Variants in ACSL1 observed in about 807,000 individuals in gnomAD.
ACSL1 encodes long-chain-fatty-acid--CoA ligase 1.
A neutral mutation model predicts 98.4 loss-of-function variants in ACSL1; 41 were observed. That is an observed-to-expected ratio of 0.42 (90% confidence interval 0.32 to 0.54). The LOEUF is 0.54. ACSL1 is among the 20% of genes least tolerant of loss of function. The pLI is 0.13. For missense variants in ACSL1, 734 were observed against 883.1 expected (o/e 0.83, Z 2.14); for synonymous variants, 316 against 322.7 (o/e 0.98, Z 0.22).
chr4:184,798,188 A>C (rs1769790913), intron 2 of ACSL1: 1 of 152,236 alleles, frequency 6.6e-6, no homozygotes, highest in East Asian at 1.9e-4. Context: ...CAATCTAAAC[A>C]GTGAATCTGT....
rs1426403117 is a variant in ACSL1 at position 184,825,725 on chromosome 4, C to T, written c.-33+191G>A. Among the ~76,000 whole-genome samples, 8 of 149,818 alleles carry T rather than the reference C, an allele frequency of 5.3e-5. No individual in the cohort carries two copies. Among genetic ancestry groups the T allele is most frequent in the Non-Finnish European group, 1.0e-4 (7 of 67,048 alleles). On this transcript the variant is annotated intron_variant, in intron 1 of 20. Coordinates refer to ENST00000281455, the MANE Select transcript of ACSL1 (RefSeq NM_001995.5). This position sits in a 1 kb window ranked among gnomAD's most constrained non-coding sequence, Gnocchi z 4.7. ...GGGCACCCCGGAGGCCTCCGGCTGC[C>T]GAGGGAAGCGGGGCCGCGGGCAGGA...
At chr4:184,814,938 G>A (rs944695997) in intron 1 of ACSL1, 7 of 445,962 alleles carry the variant, frequency 1.6e-5, no homozygotes, top group Admixed American at 1.5e-4. Context: ...AACATTCCAG[G>A]GGGATAACCA....
Position 184,766,793 on chromosome 4 carries a change from C to T in ACSL1, c.1129-37G>A, listed in dbSNP as rs1763676500. The T allele has an allele frequency of 1.3e-6, 2 of 1,592,294 alleles. No individual in the cohort carries two copies. The highest frequency in any genetic ancestry group is 2.7e-5 in the African/African-American group (2 of 74,432). On this transcript the variant is annotated intron_variant, in intron 12 of 20. Transcript: ENST00000281455. This position sits in a 1 kb window ranked among gnomAD's most constrained non-coding sequence, Gnocchi z 4.8. ...AGACATGAGAAAGTTTTCACACCTACTAGGATGGCCAGAGTCAAAGAGTGT... is the reference window on the plus strand; with the variant it reads ...AGACATGAGAAAGTTTTCACACCTATTAGGATGGCCAGAGTCAAAGAGTGT...
chr4:184,788,590 G>T, intron 3 of ACSL1, 27 bp downstream of exon 3: 1 of 1,556,700 alleles, frequency 6.4e-7, no homozygotes, highest in Non-Finnish European at 8.9e-7. Flanking sequence ...GCGAGCGGGA[G>T]CCACGCAAAT....
chr4:184,814,269 C>A (rs1474430791), intron 1 of ACSL1, among the ~76,000 whole-genome samples: 2 of 121,970 alleles, frequency 1.6e-5, no homozygotes. Context: ...CCAGCCTGGG[C>A]GACAGAGCGA....
chr4:184,788,509 C>A (rs760300854), intron 3 of ACSL1, 108 bp downstream of exon 3: 1 of 866,990 alleles, frequency 1.2e-6, no homozygotes. Context: ...GGGGCCTGAG[C>A]GATCCTAAGG....
chr4:184,770,095 A>G (rs540797232), intron 11 of ACSL1, among the ~76,000 whole-genome samples: 1 of 152,356 alleles, frequency 6.6e-6, no homozygotes, highest in African/African-American at 2.4e-5. Flanking sequence ...GTATCCTTCA[A>G]AAGTCTGAAC....
intron 15 of ACSL1, among the ~76,000 whole-genome samples, chr4:184,764,148 C>T (rs1306084587): frequency 6.6e-6 from 1 of 152,246 alleles, no homozygotes; most frequent in Non-Finnish European, 1.5e-5. Context: ...AGAGGAAGCA[C>T]AGAAGCTCTG....
intron 1 of ACSL1, among the ~76,000 whole-genome samples, chr4:184,818,430 G>A (rs1772802885): frequency 1.3e-5 from 2 of 152,192 alleles, no homozygotes; most frequent in South Asian, 2.1e-4. Context: ...ACTTCACTCA[G>A]TGAAAGCACA....
chr4:184,796,194 C>T (rs979764065), intron 2 of ACSL1, among the ~76,000 whole-genome samples: 10 of 152,192 alleles, frequency 6.6e-5, no homozygotes, highest in African/African-American at 1.4e-4. Flanking sequence ...ATCTTTCTCC[C>T]GTGCTGGATG....
Position 184,825,717 on chromosome 4 carries a change from C to T in ACSL1, c.-33+199G>A, listed in dbSNP as rs2150513206. ...GGCAGCACGGGCACCCCGGAGGCCTCCGGCTGCCGAGGGAAGCGGGGCCGC... is the reference window on the plus strand; with the variant it reads ...GGCAGCACGGGCACCCCGGAGGCCTTCGGCTGCCGAGGGAAGCGGGGCCGC... On this transcript the variant is annotated intron_variant, in intron 1 of 20. Transcript: ENST00000281455. The surrounding 1 kb of genome is among the most constrained non-coding windows in gnomAD (Gnocchi z 4.7). Among the ~76,000 whole-genome samples, 2 of 150,004 alleles carry T rather than the reference C, an allele frequency of 1.3e-5. No individual in the cohort carries two copies. The highest frequency in any genetic ancestry group is 3.9e-4 in the East Asian group (2 of 5,142).
chr4:184,811,159 A>AGTG (rs1772028617), intron 1 of ACSL1, among the ~76,000 whole-genome samples: 1 of 152,020 alleles, frequency 6.6e-6, no homozygotes, highest in East Asian at 1.9e-4. Flanking sequence ...CCCAGGCTGG[A>AGTG]GTGCAGTGGT....
Position 184,760,562 on chromosome 4 carries a change from T to A in ACSL1, c.1639-62A>T, listed in dbSNP as rs575531288. On this transcript the variant is annotated intron_variant, in intron 17 of 20. Coordinates refer to ENST00000281455, the MANE Select transcript of ACSL1 (RefSeq NM_001995.5). ...ATGGCTGGTTTCCAACCAGGATGGA[T>A]CCCAGTACAACACTGAAAGGTATTT... 5.6e-6 allele frequency: 9 copies of A among 1,597,770 alleles called. No individual in the cohort carries two copies. In the South Asian group the frequency reaches 1.0e-4, roughly 18 times the overall value.
intron 2 of ACSL1, among the ~76,000 whole-genome samples, chr4:184,802,082 T>C (rs530259057): frequency 4.7e-4 from 71 of 152,364 alleles, no homozygotes; most frequent in Middle Eastern, 3.4e-3. Context: ...TTCCCCAGCC[T>C]ATGTGATTAG....
intron 2 of ACSL1, among the ~76,000 whole-genome samples, chr4:184,796,961 G>A (rs1426751851): frequency 6.6e-6 from 1 of 152,150 alleles, no homozygotes; most frequent in Non-Finnish European, 1.5e-5. Context: ...GCCCTGCCTT[G>A]CAACTGACTG....
chr4:184,766,624 G>C lies in ACSL1; in HGVS notation c.1261C>G (p.Gln421Glu). Residue 421 changes from glutamine (Q) to glutamate (E), a missense_variant and splice_region_variant, in exon 13 of 21, where the codon CAG becomes GAG. Gln to Glu is a conservative substitution (Grantham distance 29). Coordinates refer to ENST00000281455, the MANE Select transcript of ACSL1 (RefSeq NM_001995.5). The surrounding 1 kb of genome is among the most constrained non-coding windows in gnomAD (Gnocchi z 4.8). ...AGTGGCTGTGAGTCACGTGTTACCTGTACTTTGTGGAAGATCAGCCGGTCC... is the reference window on the plus strand; with the variant it reads ...AGTGGCTGTGAGTCACGTGTTACCTCTACTTTGTGGAAGATCAGCCGGTCC... ...LWDRLIFHKVQSSLGGRVRLM... is the reference protein window; with the variant it reads ...LWDRLIFHKVESSLGGRVRLM... 2 of 1,613,998 alleles carry C rather than the reference G, an allele frequency of 1.2e-6. No individual in the cohort carries two copies. The highest frequency in any genetic ancestry group is 1.7e-6 in the Non-Finnish European group (2 of 1,179,938).
intron 2 of ACSL1, among the ~76,000 whole-genome samples, chr4:184,791,250 G>A (rs929530685): frequency 6.6e-6 from 1 of 152,216 alleles, no homozygotes; most frequent in African/African-American, 2.4e-5. Context: ...ATGGGCAGAT[G>A]GGGATAAGGT....
rs534163317 is a variant in ACSL1 at position 184,773,769 on chromosome 4, T to A, written c.790-55A>T. 1.4e-4 allele frequency: 227 copies of A among 1,608,082 alleles called. 1 individual carries two copies. In the African/African-American group the frequency reaches 2.5e-3, roughly 18 times the overall value. Reference sequence around the variant, plus strand: ...TAAATCAGAACAGAAAAGAGAACTATAAGCCACAAGGTACCAGGCTAGATA... The same window carrying A: ...TAAATCAGAACAGAAAAGAGAACTAAAAGCCACAAGGTACCAGGCTAGATA... On this transcript the variant is annotated intron_variant, in intron 8 of 20. Transcript: ENST00000281455. The surrounding 1 kb of genome is among the most constrained non-coding windows in gnomAD (Gnocchi z 4.3).
At chr4:184,783,846 C>A (rs543044267) in intron 4 of ACSL1, 81 bp downstream of exon 4, 9 of 1,338,656 alleles carry the variant, frequency 6.7e-6, no homozygotes, top group Middle Eastern at 1.8e-4. Flanking sequence ...TCTGGAGAAA[C>A]CTTCCGGCTC....
Sources: gnomAD v4.1 joint callset for allele counts (sites outside exome capture counted in the v4.1 genomes callset) on GRCh38, gnomAD v4.1.1 for gene constraint, Gnocchi (gnomAD v3.1) non-coding constraint, MANE v1.5 for transcripts, NCBI Gene and HGNC (gene_info 2026-07-23, HGNC 2026-07-21) for gene names.